Variants in CLIC6 observed in about 807,000 individuals in gnomAD.
CLIC6 encodes the protein chloride intracellular channel protein 6.
Under a neutral mutation model 49.2 loss-of-function variants are expected in CLIC6, and 39 were observed. The ratio of observed to expected loss-of-function variants is 0.79; its 90% CI spans 0.61 to 1.04. The LOEUF (loss-of-function observed/expected upper bound fraction) is 1.04, where lower values mean the gene tolerates loss of function less well. Among genes scored for constraint, CLIC6 ranks in the 50% least tolerant of loss-of-function variants. The probability of loss-of-function intolerance (pLI) is 0.00; values close to 1 mark genes in which losing one functional copy is unlikely to be tolerated. For missense variants in CLIC6, 988 were observed against 993.1 expected (o/e 0.99, Z 0.07); for synonymous variants, 446 against 433.4 (o/e 1.03, Z -0.36).
Position 34,716,556 on chromosome 21 carries a change from T to G in CLIC6, c.*74T>G. The G allele has an allele frequency of 7.9e-7, 1 of 1,271,216 alleles. No homozygotes were observed. Among genetic ancestry groups the G allele is most frequent in the Non-Finnish European group, 1.1e-6 (1 of 947,072 alleles). The allele number at this position is 1,271,216 out of a possible 1,614,324, so 78.7% of individuals were successfully genotyped here. ...GAAAACAGTGTGTTTGAAAACAAAT[T>G]AGGTTTGGGTTCAATTCCTTCAATT... is the stretch of plus-strand genomic sequence containing the variant. On this transcript the variant is annotated 3_prime_UTR_variant, in exon 6 of 6. Coordinates refer to ENST00000349499, the MANE Select transcript of CLIC6 (RefSeq NM_053277.3).
At chr21:34,693,868 G>C (rs1990041497) in intron 1 of CLIC6, among the ~76,000 whole-genome samples, 1 of 152,092 alleles carries the variant, frequency 6.6e-6, no homozygotes, top group Non-Finnish European at 1.5e-5. Flanking sequence ...CTGGAGGAGG[G>C]GCCTGATGGC....
intron 1 of CLIC6, among the ~76,000 whole-genome samples, chr21:34,690,740 T>C (rs1231830594): frequency 6.6e-6 from 1 of 151,934 alleles, no homozygotes; most frequent in Non-Finnish European, 1.5e-5. Context: ...AACTGCTTTA[T>C]GGACAATTAC....
At chr21:34,681,295 G>T (rs915343990) in intron 1 of CLIC6, among the ~76,000 whole-genome samples, 2 of 152,180 alleles carry the variant, frequency 1.3e-5, no homozygotes, top group Admixed American at 6.5e-5. Context: ...AGAACAGCAT[G>T]GGGGAAACTG....
chr21:34,677,229 C>A (rs980161916), intron 1 of CLIC6, among the ~76,000 whole-genome samples: 2 of 152,198 alleles, frequency 1.3e-5, no homozygotes, highest in East Asian at 3.8e-4. Flanking sequence ...GAATTTAAGA[C>A]AGTCTCTTAT....
chr21:34,680,865 T>C (rs1414139964), intron 1 of CLIC6, among the ~76,000 whole-genome samples: 1 of 152,224 alleles, frequency 6.6e-6, no homozygotes, highest in Non-Finnish European at 1.5e-5. Flanking sequence ...TTCCCACAGC[T>C]TCCTGTCTTC....
At chr21:34,679,960 C>T (rs1054176708) in intron 1 of CLIC6, among the ~76,000 whole-genome samples, 2 of 152,190 alleles carry the variant, frequency 1.3e-5, no homozygotes, top group Non-Finnish European at 2.9e-5. Flanking sequence ...GGTGGATCCA[C>T]CATTCTGGGG....
At chr21:34,707,437 G>GCGCACACACA (rs377729991) in intron 2 of CLIC6, 48 bp downstream of exon 2, 17 of 737,000 alleles carry the variant, frequency 2.3e-5, no homozygotes, top group African/African-American at 7.5e-5. Context: ...CTAGTTCTCT[G>GCGCACACACA]CACACACACA....
rs2056098662 is a variant in CLIC6, at chr21:34,718,221, G to A, written c.*1739G>A. The A allele has an allele frequency of 6.6e-6, 1 of 152,526 alleles. No individual in the cohort carries two copies. The highest frequency in any genetic ancestry group is 6.5e-5 in the Admixed American group (1 of 15,276). The allele number at this position is 152,526 out of a possible 1,614,324, so 9.4% of individuals were successfully genotyped here. A position where few individuals can be genotyped will look rare whatever the true frequency, so the allele number is the denominator to read the frequency against. On this transcript the variant is annotated 3_prime_UTR_variant, in exon 6 of 6. Transcript: ENST00000349499. ...AACAAATTATAAAAATGTTTAAATG[G>A]AACCAATTTCTTTTGGGTTTTATTT...
At chr21:34,707,468 C>CACACACACACACACCT in intron 2 of CLIC6, 79 bp downstream of exon 2, 1 of 888,164 alleles carries the variant, frequency 1.1e-6, no homozygotes, top group Non-Finnish European at 1.8e-6. Context: ...CACACACACA[C>CACACACACACACACCT]ACCTGAGGCC....
In CLIC6 at chr21:34,670,700, G is replaced by T; in HGVS notation, c.1312G>T (p.Asp438Tyr). 1 of 1,590,400 alleles carries T rather than the reference G, an allele frequency of 6.3e-7. No individual in the cohort carries two copies. Residue 438 changes from aspartate to tyrosine, a missense_variant, in exon 1 of 6, where the codon GAC becomes TAC. Coordinates refer to ENST00000349499, the MANE Select transcript of CLIC6 (RefSeq NM_053277.3). ...CGCGCGCGTGAACGGCCGCCGGGAGGACGGAGAGGCGTCCGAGCCCCGGGC... is the reference window on the plus strand; with the variant it reads ...CGCGCGCGTGAACGGCCGCCGGGAGTACGGAGAGGCGTCCGAGCCCCGGGC... ...EAARVNGRRE[D>Y]GEASEPRALG...
chr21:34,669,980 G>C lies in CLIC6; in HGVS notation c.592G>C (p.Asp198His), dbSNP rs772993069. 3 of 1,384,722 alleles carry C rather than the reference G, an allele frequency of 2.2e-6. No homozygotes were observed. Among genetic ancestry groups the C allele is most frequent in the Non-Finnish European group, 2.8e-6 (3 of 1,078,190 alleles). The allele number at this position is 1,384,722 out of a possible 1,614,324, so 85.8% of individuals were successfully genotyped here. ...CGTAGACGCGGAAGGTCCGGCGGGG[G>C]ACAGCGTAGACGCGGAGGGCCCGCT... ...DSVDAEGPAGDSVDAEGPLGD... is the reference protein window; with the variant it reads ...DSVDAEGPAGHSVDAEGPLGD... The change falls in exon 1 of 6, where the codon GAC becomes CAC. Residue 198 changes from aspartate to histidine, a missense_variant. Physicochemically the swap from Asp to His is moderately conservative, Grantham distance 81. This residue lies in a region of CLIC6 where 57 missense variants were observed against 117.6 expected (regional missense o/e 0.48). Transcript: ENST00000349499.
rs1170824306 is a variant in CLIC6 at position 34,669,454 on chromosome 21, G to C, written c.66G>C (p.Ala22=). The C allele has an allele frequency of 8.1e-6, 10 of 1,233,616 alleles. No individual in the cohort carries two copies. The highest frequency in any genetic ancestry group is 3.2e-5 in the East Asian group (1 of 31,664). 76.4% of individuals were successfully genotyped at this position (1,233,616 alleles called of 1,614,324 possible). A position where few individuals can be genotyped will look rare whatever the true frequency, so the allele number is the denominator to read the frequency against. The part of the protein sequence containing the change: ...PGPQGPPEVP[A]PLAERPGEPG... The stretch of plus-strand genomic sequence containing the variant: ...CCCAGGGGCCGCCGGAGGTCCCCGC[G>C]CCTCTGGCTGAGAGACCCGGAGAGC... The change falls in exon 1 of 6, where the codon GCG becomes GCC. Residue 22 remains alanine, a synonymous_variant. Coordinates refer to ENST00000349499, the MANE Select transcript of CLIC6 (RefSeq NM_053277.3).
At position 34,692,290 on chromosome 21, in the gene CLIC6, T is replaced by G. The variant is rs143365328; in HGVS notation, c.1375-14990T>G. On this transcript the variant is annotated intron_variant, in intron 1 of 5. Transcript: ENST00000349499. ...GGAGGTTAGAGGTCACTGGAGCTGGTGCCCCCTTTTAGTTTGGCCTGAGGG... is the reference window on the plus strand; with the variant it reads ...GGAGGTTAGAGGTCACTGGAGCTGGGGCCCCCTTTTAGTTTGGCCTGAGGG... Among the ~76,000 whole-genome samples, 621 of 152,338 alleles carry G rather than the reference T, an allele frequency of 4.1e-3. 18 individuals are homozygous for G. In the East Asian group the frequency reaches 0.068, roughly 17 times the overall value.
In CLIC6 at chr21:34,669,716, G is replaced by A; in HGVS notation, c.328G>A (p.Gly110Arg). Residue 110 changes from glycine (G) to arginine (R), a missense_variant, in exon 1 of 6, where the codon GGG (glycine) becomes AGG (arginine). Transcript: ENST00000349499. ...EETSGAQQVEGASPGRGAQGE... is the reference protein window; with the variant it reads ...EETSGAQQVERASPGRGAQGE... ...GACAAGCGGCGCGCAGCAGGTGGAG[G>A]GGGCGAGCCCGGGACGCGGCGCGCA... 7.3e-7 allele frequency: 1 copy of A among 1,375,258 alleles called. No individual in the cohort carries two copies. Among genetic ancestry groups the A allele is most frequent in the South Asian group, 1.7e-5 (1 of 59,726 alleles). The allele number at this position is 1,375,258 out of a possible 1,614,324, so 85.2% of individuals were successfully genotyped here. A position where few individuals can be genotyped will look rare whatever the true frequency, so the allele number is the denominator to read the frequency against.
intron 3 of CLIC6, 67 bp from the exon 4 acceptor site, chr21:34,708,633 C>T (rs1451439934): frequency 4.6e-6 from 5 of 1,075,812 alleles, no homozygotes; most frequent in Admixed American, 2.0e-5. Context: ...TGTTTTTCTC[C>T]ATTGTATAGT....
At chr21:34,707,437 G>GGACACACACACA in intron 2 of CLIC6, 48 bp downstream of exon 2, 2 of 735,926 alleles carry the variant, frequency 2.7e-6, no homozygotes, top group Admixed American at 4.3e-5. Context: ...CTAGTTCTCT[G>GGACACACACACA]CACACACACA....
At position 34,708,693 on chromosome 21, in the gene CLIC6, T is replaced by G; in HGVS notation, c.1611-7T>G. 1 of 1,608,596 alleles carries G rather than the reference T, an allele frequency of 6.2e-7. No individual in the cohort carries two copies. The highest frequency in any genetic ancestry group is 8.5e-7 in the Non-Finnish European group (1 of 1,175,052). ...GTCTGTGATCCTCCAATTTTGAACTTTTCAAGGTATCCCAAGCTGGGGACC... is the reference window on the plus strand; with the variant it reads ...GTCTGTGATCCTCCAATTTTGAACTGTTCAAGGTATCCCAAGCTGGGGACC... On this transcript the variant is annotated splice_region_variant and splice_polypyrimidine_tract_variant and intron_variant, in intron 3 of 5. Transcript: ENST00000349499.
chr21:34,707,407 C>A lies in CLIC6; in HGVS notation c.1484+18C>A. On this transcript the variant is annotated intron_variant, in intron 2 of 5. Transcript: ENST00000349499. Reference sequence around the variant, plus strand: ...CTGAAAAGGTAAGACAAGGCGTCTGCCTTACTGAAATAACTGTACCTAGTT... The same window carrying A: ...CTGAAAAGGTAAGACAAGGCGTCTGACTTACTGAAATAACTGTACCTAGTT... 12 of 1,375,902 alleles carry A rather than the reference C, an allele frequency of 8.7e-6. No homozygotes were observed. The highest frequency in any genetic ancestry group is 1.5e-5 in the African/African-American group (1 of 68,676). The allele number at this position is 1,375,902 out of a possible 1,614,324, so 85.2% of individuals were successfully genotyped here.
intron 1 of CLIC6, among the ~76,000 whole-genome samples, chr21:34,678,275 C>CAA (rs375990037): frequency 1.4e-4 from 17 of 122,920 alleles, no homozygotes; most frequent in South Asian, 5.2e-4. Context: ...ACTAAAAATA[C>CAA]AAAAAAAAAA....
Sources: allele counts gnomAD v4.1 joint callset (sites outside exome capture counted in the v4.1 genomes callset), GRCh38; gene constraint gnomAD v4.1.1; regional missense constraint gnomAD v4.1.1; transcripts MANE v1.5; gene names NCBI Gene and HGNC (gene_info 2026-07-23, HGNC 2026-07-21).